BASP1: variants seen among roughly 807,000 people sequenced by gnomAD.
The protein encoded by BASP1 is brain acid soluble protein 1.
BASP1 carries 1 observed loss-of-function variant against 2.2 expected under a neutral mutation model. The observed-to-expected ratio is 0.46, with a 90% CI of 0.16 to 2.17. The LOEUF (loss-of-function observed/expected upper bound fraction) is 2.17. Ranked by LOEUF, BASP1 falls within the 30% of genes most tolerant of loss-of-function variation. BASP1 has a pLI of 0.27. For synonymous variants in BASP1, 187 were observed against 154.2 expected (o/e 1.21, Z -1.58); for missense variants, 352 against 327.2 (o/e 1.08, Z -0.58).
At chr5:17,254,580 A>G (rs979896670) in intron 1 of BASP1, among the ~76,000 whole-genome samples, 5 of 152,264 alleles carry the variant, frequency 3.3e-5, no homozygotes, top group African/African-American at 1.2e-4. Context: ...AGTTGATAAA[A>G]GCATTCAGTT....
intron 1 of BASP1, among the ~76,000 whole-genome samples, chr5:17,274,444 G>T (rs1381698152): frequency 6.6e-6 from 1 of 152,162 alleles, no homozygotes; most frequent in African/African-American, 2.4e-5. Flanking sequence ...TTATTTTCTA[G>T]AAATCTGTGA....
intron 1 of BASP1, among the ~76,000 whole-genome samples, chr5:17,232,152 G>GAA (rs900469270): frequency 2.0e-5 from 3 of 152,156 alleles, no homozygotes; most frequent in African/African-American, 2.4e-5. Flanking sequence ...AGTCCGAAAT[G>GAA]AAAAATGAAG....
chr5:17,223,641 A>T (rs1739434076), intron 1 of BASP1, among the ~76,000 whole-genome samples: 1 of 152,106 alleles, frequency 6.6e-6, no homozygotes, highest in Non-Finnish European at 1.5e-5. Context: ...ACTTTTTTTA[A>T]TTGAAGGAAA....
intron 1 of BASP1, among the ~76,000 whole-genome samples, chr5:17,271,065 G>A (rs1207351785): frequency 1.3e-4 from 20 of 152,166 alleles, no homozygotes; most frequent in Admixed American, 1.3e-3. Flanking sequence ...ATATTAATCG[G>A]TAAGCCTGTC....
chr5:17,239,543 C>T (rs866666965), intron 1 of BASP1, among the ~76,000 whole-genome samples: 3 of 151,998 alleles, frequency 2.0e-5, no homozygotes, highest in Non-Finnish European at 2.9e-5. Context: ...TGGTTATAAC[C>T]GTTGACCCCA....
At chr5:17,245,449 A>C (rs564278068) in intron 1 of BASP1, among the ~76,000 whole-genome samples, 28 of 152,342 alleles carry the variant, frequency 1.8e-4, no homozygotes, top group African/African-American at 6.7e-4. Flanking sequence ...ATATTACAAC[A>C]GACATCTTAC....
intron 1 of BASP1, among the ~76,000 whole-genome samples, chr5:17,227,468 C>G (rs920523716): frequency 6.6e-6 from 1 of 151,908 alleles, no homozygotes; most frequent in African/African-American, 2.4e-5. Context: ...GTGGCACGAT[C>G]TCGGCTCACT....
intron 1 of BASP1, among the ~76,000 whole-genome samples, chr5:17,237,067 T>C (rs540236759): frequency 2.5e-4 from 38 of 151,980 alleles, no homozygotes; most frequent in Admixed American, 2.1e-3. Context: ...ATAAGGTGGC[T>C]GGGCATGGTG....
Position 17,275,491 on chromosome 5 carries a change from G to A in BASP1, c.275G>A (p.Gly92Asp). ...APKAEPEKTEGAAEAKAEPPK... is the reference protein window; with the variant it reads ...APKAEPEKTEDAAEAKAEPPK... ...AAGGCGGAGCCCGAGAAGACGGAGGGCGCGGCAGAGGCCAAGGCTGAGCCC... is the reference window on the plus strand; with the variant it reads ...AAGGCGGAGCCCGAGAAGACGGAGGACGCGGCAGAGGCCAAGGCTGAGCCC... Residue 92 changes from glycine (G) to aspartate (D), a missense_variant, in exon 2 of 2, where the codon GGC becomes GAC. Coordinates refer to ENST00000322611, the MANE Select transcript of BASP1 (RefSeq NM_006317.5). The surrounding 1 kb of genome is among the most constrained non-coding windows in gnomAD (Gnocchi z 5.3). 1.4e-6 allele frequency: 2 copies of A among 1,480,328 alleles called. No homozygotes were observed. The highest frequency in any genetic ancestry group is 1.8e-6 in the Non-Finnish European group (2 of 1,118,694). The allele number at this position is 1,480,328 out of a possible 1,614,324, so 91.7% of individuals were successfully genotyped here.
intron 1 of BASP1, among the ~76,000 whole-genome samples, chr5:17,272,695 C>T (rs188987933): frequency 1.3e-5 from 2 of 152,164 alleles, no homozygotes; most frequent in Admixed American, 6.5e-5. Flanking sequence ...ATGCCAGGGG[C>T]GTTTGTTAAC....
chr5:17,263,213 G>A (rs1405823607), intron 1 of BASP1, among the ~76,000 whole-genome samples: 1 of 152,074 alleles, frequency 6.6e-6, no homozygotes, highest in Non-Finnish European at 1.5e-5. Flanking sequence ...TCTGGATGTT[G>A]ACTTTTACAA....
chr5:17,218,316 G>T (rs1269005998), intron 1 of BASP1, among the ~76,000 whole-genome samples: 1 of 151,838 alleles, frequency 6.6e-6, no homozygotes, highest in Non-Finnish European at 1.5e-5. Flanking sequence ...GAAAGAAGAT[G>T]GGGAATCTGG....
chr5:17,246,423 G>A lies in BASP1; in HGVS notation c.-10+28613G>A, dbSNP rs183645505. On this transcript the variant is annotated intron_variant, in intron 1 of 1. Transcript: ENST00000322611. Reference sequence around the variant, plus strand: ...GAATCGCTTGAACCTGGGAGGCAGAGGTTGCGGTGAGCCGAGATGGCACCA... The same window carrying A: ...GAATCGCTTGAACCTGGGAGGCAGAAGTTGCGGTGAGCCGAGATGGCACCA... Among the ~76,000 whole-genome samples, 68 of 152,284 alleles carry A rather than the reference G, an allele frequency of 4.5e-4. 1 individual carries two copies. The highest frequency in any genetic ancestry group is 2.5e-3 in the East Asian group (13 of 5,186).
intron 1 of BASP1, among the ~76,000 whole-genome samples, chr5:17,223,460 G>T (rs1057372628): frequency 6.6e-6 from 1 of 152,136 alleles, no homozygotes; most frequent in African/African-American, 2.4e-5. Context: ...GACCATTATT[G>T]CAAGACAGGC....
intron 1 of BASP1, among the ~76,000 whole-genome samples, chr5:17,223,711 G>T (rs1739435483): frequency 6.6e-6 from 1 of 152,118 alleles, no homozygotes; most frequent in Non-Finnish European, 1.5e-5. Flanking sequence ...TTGAGACCTG[G>T]ACTCACCCTG....
rs1487694969 is a variant in BASP1 at position 17,275,485 on chromosome 5, C to G, written c.269C>G (p.Thr90Arg). 12 of 1,483,840 alleles carry G rather than the reference C, an allele frequency of 8.1e-6. No individual in the cohort carries two copies. In the Admixed American group the frequency reaches 1.0e-4, roughly 13 times the overall value. The allele number at this position is 1,483,840 out of a possible 1,614,324, so 91.9% of individuals were successfully genotyped here. ...EEAPKAEPEK[T>R]EGAAEAKAEP... ...GCCCCGAAGGCGGAGCCCGAGAAGACGGAGGGCGCGGCAGAGGCCAAGGCT... is the reference window on the plus strand; with the variant it reads ...GCCCCGAAGGCGGAGCCCGAGAAGAGGGAGGGCGCGGCAGAGGCCAAGGCT... The change falls in exon 2 of 2, where the codon ACG (threonine) becomes AGG (arginine). Residue 90 changes from threonine (T) to arginine (R), a missense_variant. By Grantham distance (71) the Thr-to-Arg change is moderately conservative (BLOSUM62 -1). Transcript: ENST00000322611. This position sits in a 1 kb window ranked among gnomAD's most constrained non-coding sequence, Gnocchi z 5.3.
intron 1 of BASP1, among the ~76,000 whole-genome samples, chr5:17,220,885 T>A (rs1739381797): frequency 6.6e-6 from 1 of 152,212 alleles, no homozygotes; most frequent in South Asian, 2.1e-4. Context: ...GAGTATGACA[T>A]CAGAGAGAAA....
chr5:17,267,605 G>A (rs1300971179), intron 1 of BASP1, among the ~76,000 whole-genome samples: 1 of 151,020 alleles, frequency 6.6e-6, no homozygotes, highest in South Asian at 2.1e-4. Flanking sequence ...TGCAACCTCC[G>A]CCTCCCGGGT....
At chr5:17,227,626 A>G (rs1326005280) in intron 1 of BASP1, among the ~76,000 whole-genome samples, 2 of 151,518 alleles carry the variant, frequency 1.3e-5, no homozygotes, top group South Asian at 4.2e-4. Context: ...CTGGTCACAA[A>G]CTCCTAACCT....
Sources: allele counts gnomAD v4.1 joint callset (sites outside exome capture counted in the v4.1 genomes callset), GRCh38; gene constraint gnomAD v4.1.1; non-coding constraint Gnocchi (gnomAD v3.1); transcripts MANE v1.5; gene names NCBI Gene and HGNC (gene_info 2026-07-23, HGNC 2026-07-21).